Variants in SMU1 observed in about 807,000 individuals in gnomAD.
SMU1 encodes SMU1 DNA replication regulator and spliceosomal factor.
In SMU1, 2 loss-of-function variants were observed where a neutral mutation model predicts 62.0. The ratio of observed to expected loss-of-function variants is 0.03; its 90% confidence interval spans 0.01 to 0.10. The LOEUF is 0.10. Ranked by LOEUF, SMU1 falls within the 10% of genes least tolerant of loss-of-function variation. The pLI, the probability that SMU1 is intolerant of heterozygous loss-of-function variation, is 1.00. For missense variants in SMU1, 227 were observed against 622.1 expected, an observed-to-expected ratio of 0.36 and a Z score of 6.76; for synonymous variants, 188 against 212.4, an observed-to-expected ratio of 0.89 and a Z score of 1.00.
In SMU1 at chr9:33,042,742, G is replaced by A. The variant is rs1303214336; in HGVS notation, c.*4551C>T. On this transcript the variant is annotated 3_prime_UTR_variant, in exon 12 of 12. Transcript: ENST00000397149. ...TTGAAAGCCACCAACACTGACACAT[G>A]GATTTAATATTAACCACTTGGAACA... 6.6e-6 allele frequency: 1 copy of A among 152,208 alleles called. No individual in the cohort carries two copies. Among genetic ancestry groups the A allele is most frequent in the Non-Finnish European group, 1.5e-5 (1 of 68,052 alleles). 9.4% of individuals were successfully genotyped at this position (152,208 alleles called of 1,614,324 possible).
chr9:33,058,703 C>T (rs111655216), intron 6 of SMU1, among the ~76,000 whole-genome samples: 118 of 151,928 alleles, frequency 7.8e-4, no homozygotes, highest in African/African-American at 2.7e-3. Flanking sequence ...AACTTTATCC[C>T]GCTAAACAAA....
At chr9:33,050,935 C>A (rs1319674548) in intron 10 of SMU1, among the ~76,000 whole-genome samples, 2 of 91,404 alleles carry the variant, frequency 2.2e-5, no homozygotes, top group Non-Finnish European at 2.5e-5. Flanking sequence ...TCCTGGCTAA[C>A]ACGGTGAAAC....
At chr9:33,076,315 A>G (rs957663195) in intron 1 of SMU1, among the ~76,000 whole-genome samples, 2 of 152,232 alleles carry the variant, frequency 1.3e-5, no homozygotes, top group Non-Finnish European at 2.9e-5. Flanking sequence ...GCGCGCCAGC[A>G]GTCGGCCAAG....
Position 33,067,900 on chromosome 9 carries a change from C to A in SMU1, c.501+924G>T, listed in dbSNP as rs536070283. On this transcript the variant is annotated intron_variant, in intron 4 of 11. Coordinates refer to ENST00000397149, the MANE Select transcript of SMU1 (RefSeq NM_018225.3). ...AGATTTAGTGCAAAAAGGTTATTAA[C>A]ATCCCTATTAATCACTTGTGCCCTT... 2.0e-5 allele frequency among the ~76,000 whole-genome samples: 3 copies of A among 152,288 alleles called. No homozygotes were observed. In the East Asian group the frequency reaches 5.8e-4, roughly 29 times the overall value.
rs1564017746 is a variant in SMU1 at position 33,044,175 on chromosome 9, G to C, written c.*3118C>G. On this transcript the variant is annotated 3_prime_UTR_variant, in exon 12 of 12. Transcript: ENST00000397149. Reference sequence around the variant, plus strand: ...TAGAGAGCAGCATCCGTTAAATCTGGTGGCTGCAGCAGAGCACTTCCCTAG... The same window carrying C: ...TAGAGAGCAGCATCCGTTAAATCTGCTGGCTGCAGCAGAGCACTTCCCTAG... 6.6e-6 allele frequency: 1 copy of C among 152,270 alleles called. No individual in the cohort carries two copies. The highest frequency in any genetic ancestry group is 1.5e-5 in the Non-Finnish European group (1 of 68,046). 9.4% of individuals were successfully genotyped at this position (152,270 alleles called of 1,614,324 possible).
rs780567481 is a variant in SMU1, at chr9:33,071,920, A to C, written c.238-28T>G. Reference sequence around the variant, plus strand: ...GGACAATTAAAAAAAAACAAAAAAAACCCCAGATGTTTCAACACACCGTCT... The same window carrying C: ...GGACAATTAAAAAAAAACAAAAAAACCCCCAGATGTTTCAACACACCGTCT... On this transcript the variant is annotated intron_variant, in intron 2 of 11. Coordinates refer to ENST00000397149, the MANE Select transcript of SMU1 (RefSeq NM_018225.3). 54 of 1,489,740 alleles carry C rather than the reference A, an allele frequency of 3.6e-5. 1 individual carries two copies. In the South Asian group the frequency reaches 5.4e-4, roughly 15 times the overall value. 92.3% of individuals were successfully genotyped at this position (1,489,740 alleles called of 1,614,324 possible). A position where few individuals can be genotyped will look rare whatever the true frequency, so the allele number is the denominator to read the frequency against.
intron 2 of SMU1, among the ~76,000 whole-genome samples, chr9:33,073,225 T>C (rs527810165): frequency 3.3e-5 from 5 of 151,994 alleles, no homozygotes; most frequent in Non-Finnish European, 5.9e-5. Flanking sequence ...GGTGAGATCC[T>C]GTCTCTACAG....
At chr9:33,075,165 A>T (rs1290980218) in intron 1 of SMU1, among the ~76,000 whole-genome samples, 2 of 152,186 alleles carry the variant, frequency 1.3e-5, no homozygotes, top group African/African-American at 4.8e-5. Context: ...TCACAAGGTC[A>T]GGAGATCGAG....
At position 33,062,193 on chromosome 9, in the gene SMU1, A is replaced by AG. The variant is rs1029376379; in HGVS notation, c.502-17_502-16insC. On this transcript the variant is annotated splice_polypyrimidine_tract_variant and intron_variant, in intron 4 of 11. Transcript: ENST00000397149. ...ACTTCAGTGCCTATGAGGAAAAAAA[A>AG]AAATATAGCAATCTGTTCAGGTGCT... 6.2e-7 allele frequency: 1 copy of AG among 1,606,704 alleles called. No individual in the cohort carries two copies.
chr9:33,062,302 T>A, intron 4 of SMU1, 125 bp from the exon 5 acceptor site: 1 of 1,279,060 alleles, frequency 7.8e-7, no homozygotes, highest in Non-Finnish European at 1.0e-6. Flanking sequence ...AAACCCCAAC[T>A]ATTTTTGGCC....
chr9:33,064,804 G>C (rs768030699), intron 4 of SMU1, among the ~76,000 whole-genome samples: 5 of 151,260 alleles, frequency 3.3e-5, no homozygotes, highest in African/African-American at 1.2e-4. Flanking sequence ...GTGCAGTGGC[G>C]CGATCTTGGC....
At chr9:33,072,880 A>T (rs546562597) in intron 2 of SMU1, among the ~76,000 whole-genome samples, 1 of 151,688 alleles carries the variant, frequency 6.6e-6, no homozygotes, top group African/African-American at 2.4e-5. Flanking sequence ...AACCAATTTC[A>T]CTACTTTTAC....
chr9:33,074,331 G>A (rs1587714515), intron 1 of SMU1, among the ~76,000 whole-genome samples: 1 of 152,104 alleles, frequency 6.6e-6, no homozygotes, highest in East Asian at 1.9e-4. Flanking sequence ...AAACATGGTG[G>A]CATGTGCCTG....
At chr9:33,050,212 C>T (rs1839227540) in intron 10 of SMU1, among the ~76,000 whole-genome samples, 1 of 152,186 alleles carries the variant, frequency 6.6e-6, no homozygotes, top group Non-Finnish European at 1.5e-5. Flanking sequence ...TTTGAATGGC[C>T]AACATCCAGA....
At chr9:33,076,496 G>A (rs1839547532) in intron 1 of SMU1, 87 bp downstream of exon 1, 1 of 1,533,492 alleles carries the variant, frequency 6.5e-7, no homozygotes. Flanking sequence ...CTGGCCTCTC[G>A]GATGCCTTCT....
Position 33,073,738 on chromosome 9 carries a change from T to A in SMU1, c.95A>T (p.Glu32Val). ...AGTATTCAGAGACACAGTAGTCTCC[T>A]CCTGCAAGGTGGCTAACGCCCGATG... The part of the protein sequence containing the change: ...SLHRALATLQ[E>V]ETTVSLNTVD... The change falls in exon 2 of 12, where the codon GAG becomes GTG. Residue 32 changes from glutamate to valine, a missense_variant. By Grantham distance (121) the Glu-to-Val change is moderately radical. Around this residue, in one of 5 missense-constraint regions of SMU1, gnomAD observed 99 missense variants for 270.3 expected, o/e 0.37. Transcript: ENST00000397149. 2.5e-6 allele frequency: 4 copies of A among 1,614,202 alleles called. No individual in the cohort carries two copies. Among genetic ancestry groups the A allele is most frequent in the Non-Finnish European group, 3.4e-6 (4 of 1,180,008 alleles).
intron 5 of SMU1, among the ~76,000 whole-genome samples, chr9:33,061,057 C>T (rs749661809): frequency 6.6e-6 from 1 of 152,198 alleles, no homozygotes; most frequent in African/African-American, 2.4e-5. Flanking sequence ...TGTTTCACAA[C>T]CTTCATTTAA....
At chr9:33,049,534 G>A (rs1839220317) in intron 10 of SMU1, among the ~76,000 whole-genome samples, 1 of 152,122 alleles carries the variant, frequency 6.6e-6, no homozygotes, top group African/African-American at 2.4e-5. Context: ...ATGATCTTGA[G>A]TTTGATGACT....
chr9:33,074,401 C>T (rs983178500), intron 1 of SMU1, among the ~76,000 whole-genome samples: 2 of 151,642 alleles, frequency 1.3e-5, no homozygotes, highest in Non-Finnish European at 2.9e-5. Flanking sequence ...GAGTTCAAGA[C>T]CAGCATGGGC....
Sources: allele counts gnomAD v4.1 joint callset (sites outside exome capture counted in the v4.1 genomes callset), GRCh38; gene constraint gnomAD v4.1.1; regional missense constraint gnomAD v4.1.1; transcripts MANE v1.5; gene names NCBI Gene and HGNC (gene_info 2026-07-23, HGNC 2026-07-21).